Variants in TTC39C observed in about 807,000 individuals in gnomAD.
TTC39C encodes tetratricopeptide repeat protein 39C.
Under a neutral mutation model 76.3 loss-of-function variants are expected in TTC39C, and 33 were observed. That is an observed-to-expected ratio of 0.43 (90% confidence interval 0.33 to 0.58). The LOEUF (loss-of-function observed/expected upper bound fraction) is 0.58. Ranked by LOEUF, TTC39C falls within the 20% of genes least tolerant of loss-of-function variation. The probability of loss-of-function intolerance (pLI) is 0.04; values close to 1 mark genes in which losing one functional copy is unlikely to be tolerated. For missense variants in TTC39C, 595 were observed against 701.4 expected, an observed-to-expected ratio of 0.85 and a Z score of 1.71; for synonymous variants, 254 against 260.6, an observed-to-expected ratio of 0.97 and a Z score of 0.24.
intron 11 of TTC39C, 78 bp from the exon 12 acceptor site, chr18:24,130,234 GC>G: frequency 6.2e-6 from 4 of 641,194 alleles, no homozygotes; most frequent in South Asian, 1.9e-5. Context: ...CCCCCTTCCC[GC>G]CCCCTCTTGA....
intron 1 of TTC39C, among the ~76,000 whole-genome samples, chr18:24,021,243 T>C (rs1420827078): frequency 6.6e-6 from 1 of 152,086 alleles, no homozygotes; most frequent in Non-Finnish European, 1.5e-5. Flanking sequence ...AGGAGTCAGG[T>C]GGGGTAGGGA....
At chr18:24,053,223 C>A (rs1474082466) in intron 1 of TTC39C, among the ~76,000 whole-genome samples, 1 of 152,150 alleles carries the variant, frequency 6.6e-6, no homozygotes, top group South Asian at 2.1e-4. Context: ...CCTTGGCCAC[C>A]GTCTGAGGGA....
intron 8 of TTC39C, 149 bp from the exon 9 acceptor site, chr18:24,123,685 A>G (rs9956079): frequency 1 from 555,097 of 556,650 alleles, 276,796 homozygotes; most frequent in East Asian, 1. Context: ...GGGATTACTG[A>G]CATGAACCAC....
At chr18:24,111,666 G>C (rs1462141659) in intron 6 of TTC39C, among the ~76,000 whole-genome samples, 1 of 151,874 alleles carries the variant, frequency 6.6e-6, no homozygotes, top group Non-Finnish European at 1.5e-5. Flanking sequence ...AAGCCGAGGT[G>C]GAAGGATCAC....
At position 24,064,062 on chromosome 18, in the gene TTC39C, T is replaced by TA. The variant is rs376072949; in HGVS notation, c.168-77dup. ...TAGAAGGATTATATGGTAATCATGATATGTCAAATGCTTTTAAAATAAAAT... is the reference window on the plus strand; with the variant it reads ...TAGAAGGATTATATGGTAATCATGATAATGTCAAATGCTTTTAAAATAAAAT... On this transcript the variant is annotated intron_variant, in intron 1 of 13. Coordinates refer to ENST00000317571, the MANE Select transcript of TTC39C (RefSeq NM_001135993.2). 5.7e-6 allele frequency: 9 copies of TA among 1,578,196 alleles called. No individual in the cohort carries two copies. In the African/African-American group the frequency reaches 1.2e-4, roughly 22 times the overall value.
chr18:24,031,267 A>ACC (rs369605628), intron 1 of TTC39C, among the ~76,000 whole-genome samples: 90,607 of 151,984 alleles, frequency 0.6, 30,705 homozygotes, highest in Non-Finnish European at 0.78. Flanking sequence ...CTCCGAGGAT[A>ACC]AGTCTTTTAC....
intron 1 of TTC39C, among the ~76,000 whole-genome samples, chr18:24,057,545 A>G (rs985267078): frequency 1.1e-4 from 12 of 110,538 alleles, no homozygotes; most frequent in African/African-American, 3.8e-4. Flanking sequence ...TGGATTTCAT[A>G]TACATGGACT....
intron 1 of TTC39C, among the ~76,000 whole-genome samples, chr18:24,020,618 C>T (rs997481542): frequency 1.3e-5 from 2 of 152,174 alleles, no homozygotes; most frequent in Non-Finnish European, 2.9e-5. Flanking sequence ...TCCCATATAC[C>T]TGAAATCGTC....
At chr18:24,044,207 T>C (rs754956888) in intron 1 of TTC39C, among the ~76,000 whole-genome samples, 3 of 149,662 alleles carry the variant, frequency 2.0e-5, no homozygotes, top group Non-Finnish European at 4.5e-5. Context: ...TCAGACTCTT[T>C]CTAGGATTTG....
chr18:23,997,768 C>T (rs1297670664), intron 1 of TTC39C, among the ~76,000 whole-genome samples: 1 of 151,290 alleles, frequency 6.6e-6, no homozygotes, highest in Non-Finnish European at 1.5e-5. Flanking sequence ...TTCAGCTACT[C>T]AGGAGACTGA....
chr18:24,111,350 C>G (rs1295700024), intron 6 of TTC39C, among the ~76,000 whole-genome samples: 1 of 151,972 alleles, frequency 6.6e-6, no homozygotes, highest in Non-Finnish European at 1.5e-5. Context: ...GTGGGTGGCT[C>G]ACGAGGTCAG....
At chr18:24,014,688 G>T, upstream of TTC39C, 1 of 964,772 alleles carries the variant, frequency 1.0e-6, no homozygotes, top group Non-Finnish European at 1.3e-6. Flanking sequence ...CCGCGCCGCA[G>T]CCGGGCCGCG....
intron 1 of TTC39C, among the ~76,000 whole-genome samples, chr18:24,052,574 T>G (rs982181536): frequency 1.2e-4 from 18 of 152,194 alleles, no homozygotes; most frequent in Admixed American, 2.0e-4. Flanking sequence ...TTAAAGAAAA[T>G]TTACAGTTTT....
At chr18:24,100,420 C>CA (rs2084660949) in intron 6 of TTC39C, among the ~76,000 whole-genome samples, 1 of 152,210 alleles carries the variant, frequency 6.6e-6, no homozygotes, top group Non-Finnish European at 1.5e-5. Context: ...TTAAGCCTTG[C>CA]TTCCCTCCTC....
upstream of TTC39C, chr18:24,014,734 C>T: frequency 1.8e-6 from 2 of 1,137,396 alleles, no homozygotes; most frequent in Non-Finnish European, 2.2e-6. Context: ...CCTCTTCCCT[C>T]CCGTCTTCTC....
chr18:24,052,762 T>C (rs1696468429), intron 1 of TTC39C, among the ~76,000 whole-genome samples: 1 of 152,190 alleles, frequency 6.6e-6, no homozygotes, highest in Admixed American at 6.5e-5. Context: ...CAGTGTCAGC[T>C]ACGTACTATG....
chr18:24,115,407 C>CA (rs997783638), intron 7 of TTC39C, among the ~76,000 whole-genome samples: 5 of 151,322 alleles, frequency 3.3e-5, no homozygotes, highest in African/African-American at 7.3e-5. Context: ...GAACTTGAAA[C>CA]AAAAAAAAAT....
intron 6 of TTC39C, among the ~76,000 whole-genome samples, chr18:24,096,504 A>G (rs2084591936): frequency 1.3e-5 from 2 of 152,212 alleles, no homozygotes; most frequent in African/African-American, 4.8e-5. Context: ...TAAGATTTAT[A>G]GACTATTCTG....
chr18:24,042,317 C>T (rs1273715316), intron 1 of TTC39C, among the ~76,000 whole-genome samples: 3 of 152,022 alleles, frequency 2.0e-5, no homozygotes, highest in African/African-American at 7.3e-5. Flanking sequence ...TGGGAGATTG[C>T]GGGGGATGGT....
Sources: allele counts gnomAD v4.1 joint callset (sites outside exome capture counted in the v4.1 genomes callset), GRCh38; gene constraint gnomAD v4.1.1; transcripts MANE v1.5; gene names NCBI Gene and HGNC (gene_info 2026-07-23, HGNC 2026-07-21).